The following XPC variants were observed in gnomAD, a reference collection of about 807,000 sequenced individuals.
The protein encoded by XPC is DNA repair protein complementing XP-C cells.
A neutral mutation model predicts 95.8 loss-of-function variants in XPC; 76 were observed. That is an observed-to-expected ratio of 0.79 (90% CI 0.66 to 0.96). The LOEUF (loss-of-function observed/expected upper bound fraction) is 0.96, where lower values mean the gene tolerates loss of function less well. Among genes scored for constraint, XPC ranks in the 40% least tolerant of loss-of-function variants. The probability of loss-of-function intolerance (pLI) is 0.00; values close to 1 mark genes in which losing one functional copy is unlikely to be tolerated. For synonymous variants in XPC, 442 were observed against 442.1 expected (o/e 1.00, Z 0.00); for missense variants, 1,146 against 1,179.8 (o/e 0.97, Z 0.42).
chr3:14,147,401 G>A, intron 14 of XPC, 22 bp from the exon 15 acceptor site: 2 of 1,587,750 alleles, frequency 1.3e-6, no homozygotes, highest in Non-Finnish European at 1.7e-6. Context: ...AATGAAGTGG[G>A]AGAAAAGTGT....
At chr3:14,150,731 G>C (rs1574952554) in intron 11 of XPC, among the ~76,000 whole-genome samples, 1 of 152,216 alleles carries the variant, frequency 6.6e-6, no homozygotes, top group Admixed American at 6.5e-5. Context: ...CAGCCCTGAG[G>C]ACAGTGGAGG....
chr3:14,145,761 C>A lies in XPC; in HGVS notation c.*180G>T. On this transcript the variant is annotated 3_prime_UTR_variant, in exon 16 of 16. Coordinates refer to ENST00000285021, the MANE Select transcript of XPC (RefSeq NM_004628.5). ...TGACAAGGGCTGGAGCCAGACGGGA[C>A]CTGCAGCACCTCCTCAGCTTGGCCT... 1 of 770,736 alleles carries A rather than the reference C, an allele frequency of 1.3e-6. No homozygotes were observed. Among genetic ancestry groups the A allele is most frequent in the Non-Finnish European group, 2.2e-6 (1 of 449,374 alleles). 47.7% of individuals were successfully genotyped at this position (770,736 alleles called of 1,614,324 possible).
At chr3:14,150,274 A>G (rs912602898) in intron 11 of XPC, among the ~76,000 whole-genome samples, 3 of 152,244 alleles carry the variant, frequency 2.0e-5, no homozygotes. Flanking sequence ...GGGCCTCAGC[A>G]TACAGACTTC....
At chr3:14,164,567 G>C (rs554049278) in intron 7 of XPC, 2 of 399,112 alleles carry the variant, frequency 5.0e-6, no homozygotes, top group Admixed American at 4.8e-5. Flanking sequence ...AACTAGAGGC[G>C]ATAGGGAGGA....
chr3:14,149,274 G>T (rs962194192), intron 11 of XPC, among the ~76,000 whole-genome samples: 1 of 151,910 alleles, frequency 6.6e-6, no homozygotes, highest in African/African-American at 2.4e-5. Flanking sequence ...AGTAGAGACG[G>T]GGGTTTCACC....
rs759597970 is a variant in XPC at position 14,156,328 on chromosome 3, C to G, written c.2033+7G>C. ...GCCCCTGAGGCCAACCAGGCTGCCT[C>G]ACGCACCTGGAGTAGACCGCTTCTC... On this transcript the variant is annotated splice_region_variant and intron_variant, in intron 10 of 15. Transcript: ENST00000285021. The G allele has an allele frequency of 2.5e-6, 4 of 1,608,720 alleles. No homozygotes were observed. Among genetic ancestry groups the G allele is most frequent in the Non-Finnish European group, 3.4e-6 (4 of 1,176,846 alleles).
At chr3:14,156,690 G>C (rs1275915159) in intron 9 of XPC, among the ~76,000 whole-genome samples, 195 bp from the exon 10 acceptor site, 3 of 152,168 alleles carry the variant, frequency 2.0e-5, no homozygotes, top group Non-Finnish European at 4.4e-5. Context: ...AAGCTTTAAA[G>C]AATCAAATAA....
chr3:14,149,773 T>G (rs1181749945), intron 11 of XPC: 1 of 152,210 alleles, frequency 6.6e-6, no homozygotes, highest in Non-Finnish European at 1.5e-5. Flanking sequence ...CTTCAGTGCT[T>G]TATATGTTAT....
intron 13 of XPC, 175 bp from the exon 14 acceptor site, chr3:14,148,176 G>A: frequency 1.6e-6 from 1 of 609,196 alleles, no homozygotes; most frequent in South Asian, 2.1e-5. Context: ...GTGGAAGCTG[G>A]CACTGCCTCT....
At chr3:14,174,894 C>T (rs1696753278) in intron 1 of XPC, among the ~76,000 whole-genome samples, 1 of 151,876 alleles carries the variant, frequency 6.6e-6, no homozygotes, top group South Asian at 2.1e-4. Flanking sequence ...AGACTCTTTT[C>T]CAGGACTCTC....
chr3:14,158,345 A>G lies in XPC; in HGVS notation c.1538T>C (p.Met513Thr). 3.7e-6 allele frequency: 6 copies of G among 1,613,498 alleles called. No homozygotes were observed. Among genetic ancestry groups the G allele is most frequent in the Non-Finnish European group, 5.1e-6 (6 of 1,179,806 alleles). Residue 513 changes from methionine (M) to threonine (T), a missense_variant, in exon 9 of 16, where the codon ATG becomes ACG. Met to Thr is a moderately conservative substitution (Grantham distance 81, BLOSUM62 -1). Coordinates refer to ENST00000285021, the MANE Select transcript of XPC (RefSeq NM_004628.5). This position sits in a 1 kb window ranked among gnomAD's most constrained non-coding sequence, Gnocchi z 5.2. ...SSSSSKRGKKMCSDGEKAEKR... is the reference protein window; with the variant it reads ...SSSSSKRGKKTCSDGEKAEKR... ...TTCTGCCTTCTCACCATCGCTGCACATTTTCTTGCCTCTTTTACTGCTTGA... is the reference window on the plus strand; with the variant it reads ...TTCTGCCTTCTCACCATCGCTGCACGTTTTCTTGCCTCTTTTACTGCTTGA...
chr3:14,171,849 G>A (rs546093148), intron 2 of XPC, among the ~76,000 whole-genome samples: 2 of 152,034 alleles, frequency 1.3e-5, no homozygotes, highest in Non-Finnish European at 2.9e-5. Context: ...GGGACGGGAC[G>A]GGGCGGGACG....
chr3:14,170,544 A>G lies in XPC; in HGVS notation c.306T>C (p.Phe102=). Residue 102 remains phenylalanine, a synonymous_variant, in exon 3 of 16, where the codon TTT becomes TTC. Coordinates refer to ENST00000285021, the MANE Select transcript of XPC (RefSeq NM_004628.5). ...ALSDGDDLRD[F]PSDLKKAHHL... ...GGTGTGCCTTCTTGAGGTCACTTGGAAAGTCCCTGTGTAAAGACCACAGGA... is the reference window on the plus strand; with the variant it reads ...GGTGTGCCTTCTTGAGGTCACTTGGGAAGTCCCTGTGTAAAGACCACAGGA... The G allele has an allele frequency of 6.2e-7, 1 of 1,611,898 alleles. No homozygotes were observed. Among genetic ancestry groups the G allele is most frequent in the South Asian group, 1.1e-5 (1 of 90,762 alleles).
At chr3:14,169,657 T>C (rs1402329691) in intron 3 of XPC, among the ~76,000 whole-genome samples, 1 of 152,206 alleles carries the variant, frequency 6.6e-6, no homozygotes, top group African/African-American at 2.4e-5. Flanking sequence ...CATTTTGTCA[T>C]GCAGGAGAAT....
intron 5 of XPC, 182 bp from the exon 6 acceptor site, chr3:14,165,767 T>A: frequency 3.1e-6 from 2 of 648,190 alleles, no homozygotes; most frequent in Non-Finnish European, 5.3e-6. Flanking sequence ...TCTCTTTTTC[T>A]CTCTGTATAC....
In XPC at chr3:14,170,526, C is replaced by A. The variant is rs535425175; in HGVS notation, c.324G>T (p.Lys108Asn). 1.5e-5 allele frequency: 24 copies of A among 1,612,832 alleles called. No homozygotes were observed. The highest frequency in any genetic ancestry group is 2.0e-5 in the Non-Finnish European group (23 of 1,179,356). Residue 108 changes from lysine to asparagine, a missense_variant, in exon 3 of 16, where the codon AAG becomes AAT. By Grantham distance (94) the Lys-to-Asn change is moderately conservative. Coordinates refer to ENST00000285021, the MANE Select transcript of XPC (RefSeq NM_004628.5). ...TAGCCCCTCTCTTCAGATGGTGTGC[C>A]TTCTTGAGGTCACTTGGAAAGTCCC... Reference protein sequence around the residue: ...DLRDFPSDLKKAHHLKRGATM... With the variant: ...DLRDFPSDLKNAHHLKRGATM...
At chr3:14,171,230 T>C (rs909052155) in intron 2 of XPC, among the ~76,000 whole-genome samples, 8 of 152,240 alleles carry the variant, frequency 5.3e-5, no homozygotes, top group Non-Finnish European at 7.3e-5. Flanking sequence ...GTGTAAACTT[T>C]GGCACTTGGT....
chr3:14,165,515 G>C lies in XPC; in HGVS notation c.692C>G (p.Ala231Gly). 6.2e-7 allele frequency: 1 copy of C among 1,611,330 alleles called. No homozygotes were observed. The highest frequency in any genetic ancestry group is 1.3e-5 in the African/African-American group (1 of 75,030). The change falls in exon 6 of 16, where the codon GCT (alanine) becomes GGT (glycine). Residue 231 changes from alanine (A) to glycine (G), a missense_variant. Ala to Gly is a moderately conservative substitution (Grantham distance 60). Coordinates refer to ENST00000285021, the MANE Select transcript of XPC (RefSeq NM_004628.5). Reference protein sequence around the residue: ...NNICSQPDLHAIGLSIIPARF... With the variant: ...NNICSQPDLHGIGLSIIPARF... ...GGCTGGGATGATGGACAGGCCAATA[G>C]CATGCAGATCTGGCTGGCTGCAGAT...
rs375170067 is a variant in XPC at position 14,148,826 on chromosome 3, G to A, written c.2238C>T (p.Ala746=). 294 of 1,613,982 alleles carry A rather than the reference G, an allele frequency of 1.8e-4. No homozygotes were observed. Among genetic ancestry groups the A allele is most frequent in the South Asian group, 1.0e-3 (91 of 91,078 alleles). ...ATGCTGCCCTTACCTTCCCGTCCAC[G>A]GCCACTGGGGGCTGATACTCCTCTG... ...WQTEEYQPPV[A]VDGKVPRNEF... Residue 746 remains alanine (A), a synonymous_variant, in exon 12 of 16, where the codon GCC becomes GCT. Transcript: ENST00000285021.
Sources: allele counts gnomAD v4.1 joint callset (sites outside exome capture counted in the v4.1 genomes callset), GRCh38; gene constraint gnomAD v4.1.1; non-coding constraint Gnocchi (gnomAD v3.1); transcripts MANE v1.5; gene names NCBI Gene and HGNC (gene_info 2026-07-23, HGNC 2026-07-21).